FBXL13: variants seen among roughly 807,000 people sequenced by gnomAD.
FBXL13 encodes the protein F-box and leucine-rich repeat protein 13.
Under a neutral mutation model 83.6 loss-of-function variants are expected in FBXL13, and 67 were observed. That is an observed-to-expected ratio of 0.80 (90% CI 0.66 to 0.98). FBXL13 has a LOEUF of 0.98. FBXL13 is among the 50% of genes least tolerant of loss of function. FBXL13 has a pLI of 0.00. For missense variants in FBXL13, 822 were observed against 866.5 expected (o/e 0.95, Z 0.64); for synonymous variants, 272 against 299.5 (o/e 0.91, Z 0.95).
intron 11 of FBXL13, 110 bp from the exon 13 acceptor site, chr7:102,884,422 A>AC: frequency 1.3e-6 from 1 of 775,210 alleles, no homozygotes; most frequent in South Asian, 1.7e-5. Context: ...TTTAAAATTA[A>AC]CCATAAAATG....
intron 6 of FBXL13, among the ~76,000 whole-genome samples, chr7:103,019,085 T>C (rs1364861927): frequency 2.0e-5 from 3 of 152,154 alleles, no homozygotes; most frequent in Non-Finnish European, 2.9e-5. Flanking sequence ...AAAGCACTCC[T>C]CAGGAAATGT....
At chr7:103,042,264 A>C (rs1275978216) in intron 2 of FBXL13, among the ~76,000 whole-genome samples, 2 of 152,206 alleles carry the variant, frequency 1.3e-5, no homozygotes, top group East Asian at 3.8e-4. Context: ...TCCAACTTAC[A>C]AGGGATGTGA....
intron 8 of FBXL13, chr7:102,934,538 G>T: frequency 6.4e-7 from 1 of 1,557,610 alleles, no homozygotes; most frequent in South Asian, 1.1e-5. Flanking sequence ...GATAAAATCT[G>T]AACAGTTGTG....
At chr7:102,863,180 A>G (rs1221168400) in intron 16 of FBXL13, among the ~76,000 whole-genome samples, 1 of 152,188 alleles carries the variant, frequency 6.6e-6, no homozygotes, top group East Asian at 1.9e-4. Flanking sequence ...CTCATGATGG[A>G]CTTTCCTTTG....
chr7:102,862,853 T>C (rs1807067191), intron 16 of FBXL13, among the ~76,000 whole-genome samples: 1 of 152,224 alleles, frequency 6.6e-6, no homozygotes, highest in Admixed American at 6.5e-5. Flanking sequence ...CAGTTTCCTT[T>C]GTAGGTTCAT....
chr7:102,962,044 C>G (rs986561609), intron 8 of FBXL13, among the ~76,000 whole-genome samples: 5 of 150,788 alleles, frequency 3.3e-5, no homozygotes, highest in African/African-American at 4.9e-5. Flanking sequence ...TCAGAGTGAA[C>G]AGGCAACCTA....
At chr7:102,925,344 A>G (rs965284533) in intron 10 of FBXL13, among the ~76,000 whole-genome samples, 4 of 152,192 alleles carry the variant, frequency 2.6e-5, no homozygotes, top group African/African-American at 9.6e-5. Flanking sequence ...GCCGTAAGCC[A>G]TGATTGTACC....
intron 8 of FBXL13, among the ~76,000 whole-genome samples, chr7:102,946,471 A>G: frequency 6.6e-6 from 1 of 152,174 alleles, no homozygotes; most frequent in East Asian, 1.9e-4. Flanking sequence ...CAAACCCCAA[A>G]GAGGAGCAGG....
chr7:102,974,845 C>T (rs950458425), intron 6 of FBXL13, among the ~76,000 whole-genome samples: 9 of 152,100 alleles, frequency 5.9e-5, no homozygotes, highest in East Asian at 1.9e-4. Context: ...TCTTCCCAGT[C>T]GCCATCTTCC....
At chr7:102,920,204 T>C (rs1326608887) in intron 10 of FBXL13, among the ~76,000 whole-genome samples, 1 of 152,198 alleles carries the variant, frequency 6.6e-6, no homozygotes, top group Non-Finnish European at 1.5e-5. Flanking sequence ...AACATGCCAA[T>C]AGCCACTAAT....
At chr7:102,969,751 T>C (rs1450925233) in intron 6 of FBXL13, among the ~76,000 whole-genome samples, 1 of 141,136 alleles carries the variant, frequency 7.1e-6, no homozygotes, top group Non-Finnish European at 1.5e-5. Context: ...TGAGCTGAGA[T>C]TGGACCACTG....
chr7:102,970,274 T>A (rs1826483179), intron 6 of FBXL13, among the ~76,000 whole-genome samples: 1 of 151,950 alleles, frequency 6.6e-6, no homozygotes, highest in African/African-American at 2.4e-5. Context: ...AAATAAAATC[T>A]CTCAAAGAAT....
chr7:102,924,022 C>T (rs749924398), intron 10 of FBXL13, among the ~76,000 whole-genome samples: 9 of 152,048 alleles, frequency 5.9e-5, no homozygotes, highest in Admixed American at 1.3e-4. Flanking sequence ...GGTGGATCAT[C>T]TAAGGTCAGG....
rs1273883849 is a variant in FBXL13, at chr7:103,074,406, A to G, written c.-265T>C. On this transcript the variant is annotated 5_prime_UTR_variant, in exon 1 of 20. Transcript: ENST00000313221. ...AGGTACTTCTTGTCCAAACCTTAAA[A>G]TCTGAGTTTGGGGTTTCCGATCTGG... 8 of 1,079,404 alleles carry G rather than the reference A, an allele frequency of 7.4e-6. No individual in the cohort carries two copies. In the East Asian group the frequency reaches 5.2e-4, roughly 70 times the overall value. 66.9% of individuals were successfully genotyped at this position (1,079,404 alleles called of 1,614,324 possible). A position where few individuals can be genotyped will look rare whatever the true frequency, so the allele number is the denominator to read the frequency against.
chr7:103,070,769 T>C (rs1259239625), intron 1 of FBXL13, among the ~76,000 whole-genome samples: 1 of 152,060 alleles, frequency 6.6e-6, no homozygotes, highest in Non-Finnish European at 1.5e-5. Flanking sequence ...AGAGGGAGGC[T>C]CTTCTAAACA....
chr7:103,022,565 C>A (rs182560800), intron 6 of FBXL13, among the ~76,000 whole-genome samples: 1 of 151,804 alleles, frequency 6.6e-6, no homozygotes, highest in Admixed American at 6.6e-5. Flanking sequence ...GAAAAACAAG[C>A]AACAGGGAAA....
chr7:102,932,056 T>TTCC, intron 8 of FBXL13, 123 bp from the exon 10 acceptor site: 3 of 837,124 alleles, frequency 3.6e-6, no homozygotes, highest in African/African-American at 3.4e-5. Flanking sequence ...GCAAGTAACA[T>TTCC]GTTCTAAGTA....
At chr7:102,883,663 C>G in exon 13 of FBXL13, 1 of 1,607,902 alleles carries the variant, frequency 6.2e-7, no homozygotes. Context: ...CGATGTAATA[C>G]GAGAGCATTT....
chr7:103,020,734 T>A (rs1403720140), intron 6 of FBXL13, among the ~76,000 whole-genome samples: 2 of 152,208 alleles, frequency 1.3e-5, no homozygotes, highest in African/African-American at 4.8e-5. Flanking sequence ...CCATTCACAA[T>A]TGCTTCAAAG....
Sources: gnomAD v4.1 joint callset for allele counts (sites outside exome capture counted in the v4.1 genomes callset) on GRCh38, gnomAD v4.1.1 for gene constraint, MANE v1.5 for transcripts, NCBI Gene and HGNC (gene_info 2026-07-23, HGNC 2026-07-21) for gene names.